The following WDR31 variants were observed in gnomAD, a reference collection of about 807,000 sequenced individuals.
The protein encoded by WDR31 is WD repeat-containing protein 31.
Under a neutral mutation model 47.3 loss-of-function variants are expected in WDR31, and 30 were observed. The observed-to-expected ratio is 0.63, with a 90% CI of 0.47 to 0.86. The LOEUF (loss-of-function observed/expected upper bound fraction) is 0.86, where lower values mean the gene tolerates loss of function less well. Among genes scored for constraint, WDR31 ranks in the 40% least tolerant of loss-of-function variants. WDR31 has a pLI of 0.00. For missense variants in WDR31, 406 were observed against 442.9 expected (o/e 0.92, Z 0.75); for synonymous variants, 137 against 159.4 (o/e 0.86, Z 1.06).
At chr9:113,316,952 G>C (rs368142786) in intron 10 of WDR31, 43 bp from the exon 11 acceptor site, 2 of 1,594,606 alleles carry the variant, frequency 1.3e-6, no homozygotes, top group East Asian at 4.5e-5. Context: ...CAAGAGTGTA[G>C]CATCATGAAA....
intron 4 of WDR31, 105 bp downstream of exon 4, chr9:113,330,879 C>G: frequency 7.8e-7 from 1 of 1,283,836 alleles, no homozygotes; most frequent in Non-Finnish European, 1.0e-6. Flanking sequence ...AATATTTTTA[C>G]ACTTGTCAAC....
intron 5 of WDR31, among the ~76,000 whole-genome samples, chr9:113,324,851 TG>T (rs1459300531): frequency 1.6e-4 from 25 of 151,674 alleles, no homozygotes; most frequent in Non-Finnish European, 2.8e-4. Flanking sequence ...TGTGTGTGTG[TG>T]TGTGTGTGTG....
intron 3 of WDR31, 148 bp downstream of exon 3, chr9:113,331,759 T>C (rs1295521188): frequency 1.1e-5 from 8 of 698,906 alleles, no homozygotes; most frequent in Middle Eastern, 3.8e-4. Flanking sequence ...GACTGTTTCT[T>C]ATCCAAAAGA....
chr9:113,317,221 C>T (rs1245622873), intron 10 of WDR31, among the ~76,000 whole-genome samples: 1 of 152,046 alleles, frequency 6.6e-6, no homozygotes, highest in Non-Finnish European at 1.5e-5. Context: ...AAAGCAGGGC[C>T]CAGGCAGGGA....
intron 8 of WDR31, 90 bp from the exon 9 acceptor site, chr9:113,320,588 T>C: frequency 6.6e-7 from 1 of 1,512,172 alleles, no homozygotes; most frequent in East Asian, 2.3e-5. Flanking sequence ...TCTTGGCTCT[T>C]TGCTGCATAG....
chr9:113,322,772 T>C lies in WDR31; in HGVS notation c.570+39A>G, dbSNP rs376918873. On this transcript the variant is annotated intron_variant, in intron 7 of 10. Coordinates refer to ENST00000374193, the MANE Select transcript of WDR31 (RefSeq NM_001012361.4). ...GAGCCTTTCCTTCACCCCATGCTCCTTTCTGCTGCCCTGTTCTGTACCAAG... is the reference window on the plus strand; with the variant it reads ...GAGCCTTTCCTTCACCCCATGCTCCCTTCTGCTGCCCTGTTCTGTACCAAG... The C allele has an allele frequency of 2.4e-5, 38 of 1,602,470 alleles. No individual in the cohort carries two copies. The African/African-American group carries it at 5.1e-4, about 21-fold the overall frequency.
chr9:113,338,948 A>G (rs1256774938), intron 1 of WDR31, among the ~76,000 whole-genome samples: 1 of 152,104 alleles, frequency 6.6e-6, no homozygotes, highest in Non-Finnish European at 1.5e-5. Flanking sequence ...ACCCAACAAC[A>G]TAAGCGCCCT....
intron 9 of WDR31, among the ~76,000 whole-genome samples, chr9:113,319,296 T>C (rs1313528799): frequency 6.6e-6 from 1 of 152,212 alleles, no homozygotes; most frequent in African/African-American, 2.4e-5. Context: ...TTGGACAGCA[T>C]GTTATCCAGG....
At chr9:113,317,170 G>A (rs975346937) in intron 10 of WDR31, among the ~76,000 whole-genome samples, 2 of 152,092 alleles carry the variant, frequency 1.3e-5, no homozygotes, top group Admixed American at 6.6e-5. Context: ...ACCGGCTAAA[G>A]ACATGTTACA....
intron 9 of WDR31, 69 bp from the exon 10 acceptor site, chr9:113,318,706 C>T: frequency 1.3e-6 from 2 of 1,553,134 alleles, no homozygotes; most frequent in Non-Finnish European, 1.8e-6. Flanking sequence ...TCTATCTCCC[C>T]CTACCCCCAT....
intron 7 of WDR31, among the ~76,000 whole-genome samples, 180 bp downstream of exon 7, chr9:113,322,631 T>C (rs1833349029): frequency 6.6e-6 from 1 of 152,112 alleles, no homozygotes; most frequent in Non-Finnish European, 1.5e-5. Context: ...AGCAGAAGAC[T>C]CAAGGGAACA....
At chr9:113,339,334 G>T (rs557552525) in intron 1 of WDR31, among the ~76,000 whole-genome samples, 1 of 152,162 alleles carries the variant, frequency 6.6e-6, no homozygotes, top group Non-Finnish European at 1.5e-5. Context: ...GGGCAGAGCC[G>T]GGTGGACTGG....
chr9:113,322,952 C>T (rs780241304), intron 6 of WDR31, 41 bp from the exon 7 acceptor site: 1 of 1,613,862 alleles, frequency 6.2e-7, no homozygotes, highest in African/African-American at 1.3e-5. Context: ...TGAGTGGGGA[C>T]CTGAACGGGG....
chr9:113,313,421 C>A lies in WDR31; in HGVS notation c.*3328G>T, dbSNP rs1833119688. The A allele has an allele frequency of 6.6e-6, 1 of 152,230 alleles. No individual in the cohort carries two copies. The highest frequency in any genetic ancestry group is 2.4e-5 in the African/African-American group (1 of 41,456). The allele number at this position is 152,230 out of a possible 1,614,324, so 9.4% of individuals were successfully genotyped here. On this transcript the variant is annotated 3_prime_UTR_variant, in exon 11 of 11. Transcript: ENST00000374193. ...AAGTGTCAGCTGCTGCACTAATAAT[C>A]CAGCACATGCTACGACTGTCCCTGA...
At chr9:113,328,728 G>A (rs530373628) in intron 5 of WDR31, among the ~76,000 whole-genome samples, 153 bp downstream of exon 5, 3 of 152,286 alleles carry the variant, frequency 2.0e-5, no homozygotes, top group South Asian at 2.1e-4. Flanking sequence ...TGAATGGTTT[G>A]CTCTGTTTCT....
chr9:113,324,828 ATGTG>A (rs57088850), intron 5 of WDR31, among the ~76,000 whole-genome samples: 8,670 of 137,920 alleles, frequency 0.063, 275 homozygotes, highest in African/African-American at 0.077. Context: ...ATATATATAT[ATGTG>A]TGTGTGTGTG....
chr9:113,338,619 T>A (rs1199943419), intron 1 of WDR31, among the ~76,000 whole-genome samples: 1 of 69,220 alleles, frequency 1.4e-5, no homozygotes, highest in Non-Finnish European at 4.4e-5. Context: ...GGTACGCTAT[T>A]TTTTTTTTTT....
At chr9:113,333,968 C>T (rs1274786805) in intron 2 of WDR31, among the ~76,000 whole-genome samples, 5 of 151,504 alleles carry the variant, frequency 3.3e-5, no homozygotes, top group Admixed American at 3.3e-4. Flanking sequence ...CTTCTTCCTT[C>T]TCCTCCTTCT....
At chr9:113,325,397 T>C (rs1833439250) in intron 5 of WDR31, among the ~76,000 whole-genome samples, 1 of 152,204 alleles carries the variant, frequency 6.6e-6, no homozygotes, top group African/African-American at 2.4e-5. Flanking sequence ...ATCTTTTCTG[T>C]TGGTTTTTGA....
Sources: gnomAD v4.1 joint callset for allele counts (sites outside exome capture counted in the v4.1 genomes callset) on GRCh38, gnomAD v4.1.1 for gene constraint, MANE v1.5 for transcripts, NCBI Gene and HGNC (gene_info 2026-07-23, HGNC 2026-07-21) for gene names.